Variants in TRANK1 observed in about 807,000 individuals in gnomAD.
TRANK1 encodes the protein TPR and ankyrin repeat-containing protein 1.
TRANK1 carries 198 observed loss-of-function variants against 266.0 expected under a neutral mutation model. The observed-to-expected ratio is 0.74, with a 90% CI of 0.66 to 0.84. The LOEUF is 0.84. TRANK1 is among the 40% of genes least tolerant of loss of function. The pLI, the probability that TRANK1 is intolerant of heterozygous loss-of-function variation, is 0.00. For synonymous variants in TRANK1, 1,396 were observed against 1,384.1 expected, an observed-to-expected ratio of 1.01 and a Z score of -0.19; for missense variants, 3,326 against 3,634.6, an observed-to-expected ratio of 0.92 and a Z score of 2.18.
At chr3:36,847,160 C>G in intron 16 of TRANK1, 40 bp downstream of exon 16, 1 of 1,579,244 alleles carries the variant, frequency 6.3e-7, no homozygotes, top group Non-Finnish European at 8.6e-7. Flanking sequence ...TTCACTACTT[C>G]CATGTCAAGT....
chr3:36,907,664 C>A (rs2079992286), intron 2 of TRANK1, among the ~76,000 whole-genome samples: 1 of 151,002 alleles, frequency 6.6e-6, no homozygotes, highest in African/African-American at 2.4e-5. Context: ...TGGGGTTTCA[C>A]CCTGTTAGCC....
At chr3:36,845,502 T>C (rs1021101682) in intron 17 of TRANK1, among the ~76,000 whole-genome samples, 1 of 152,214 alleles carries the variant, frequency 6.6e-6, no homozygotes, top group African/African-American at 2.4e-5. Flanking sequence ...GACACTTCAG[T>C]AGGTATTTGT....
intron 21 of TRANK1, 72 bp from the exon 22 acceptor site, chr3:36,833,991 T>C (rs950956000): frequency 2.8e-6 from 4 of 1,433,838 alleles, no homozygotes; most frequent in African/African-American, 1.4e-5. Context: ...CAAAATACAG[T>C]GCAGAGCAAC....
Position 36,833,629 on chromosome 3 carries a change from T to C in TRANK1, c.5954A>G (p.Lys1985Arg). 1 of 1,613,952 alleles carries C rather than the reference T, an allele frequency of 6.2e-7. No individual in the cohort carries two copies. The highest frequency in any genetic ancestry group is 8.5e-7 in the Non-Finnish European group (1 of 1,179,848). ...CAGCAGACATGAGGCCTGGAAGTCC[T>C]TGTCGGCAGTGAGCCTGGCAGCCTC... ...LLEAARLTAD[K>R]DFQASCLLGA... The change falls in exon 22 of 24, where the codon AAG becomes AGG. Residue 1985 changes from lysine (K) to arginine (R), a missense_variant. Physicochemically the swap from Lys to Arg is conservative, Grantham distance 26 (BLOSUM62 2). Transcript: ENST00000645898.
Position 36,879,183 on chromosome 3 carries a change from A to G in TRANK1, c.908-4887T>C, listed in dbSNP as rs1015245437. 3.9e-5 allele frequency among the ~76,000 whole-genome samples: 6 copies of G among 152,104 alleles called. No individual in the cohort carries two copies. In the East Asian group the frequency reaches 9.6e-4, roughly 24 times the overall value. Reference sequence around the variant, plus strand: ...AAAAAAAAGAAAGAAAACTATTTACATATGCATTTTATATATACATACACA... The same window carrying G: ...AAAAAAAAGAAAGAAAACTATTTACGTATGCATTTTATATATACATACACA... On this transcript the variant is annotated intron_variant, in intron 8 of 23. Coordinates refer to ENST00000645898, the MANE Select transcript of TRANK1 (RefSeq NM_001329998.2).
chr3:36,933,790 G>C (rs879747808), intron 1 of TRANK1, among the ~76,000 whole-genome samples: 2 of 152,216 alleles, frequency 1.3e-5, no homozygotes. Flanking sequence ...CCTAGTATTT[G>C]TCTGTTTTTC....
intron 8 of TRANK1, among the ~76,000 whole-genome samples, chr3:36,881,510 T>C (rs1353831169): frequency 6.6e-6 from 1 of 151,324 alleles, no homozygotes; most frequent in East Asian, 1.9e-4. Flanking sequence ...CTACTTGGGA[T>C]GCTGAGGCAG....
At position 36,944,880 on chromosome 3, in the gene TRANK1, G is replaced by A; in HGVS notation, c.-71C>T. The stretch of plus-strand genomic sequence containing the variant: ...AGCGCTTCCCTGTGGGCAGGGCGCG[G>A]CGGGCAGTGCGGAAGCCCGAAAGCT... On this transcript the variant is annotated 5_prime_UTR_variant, in exon 1 of 24. Transcript: ENST00000645898. The A allele has an allele frequency of 7.3e-7, 1 of 1,365,760 alleles. No homozygotes were observed. The highest frequency in any genetic ancestry group is 9.4e-7 in the Non-Finnish European group (1 of 1,059,298). 84.6% of individuals were successfully genotyped at this position (1,365,760 alleles called of 1,614,324 possible). A position where few individuals can be genotyped will look rare whatever the true frequency, so the allele number is the denominator to read the frequency against.
intron 8 of TRANK1, among the ~76,000 whole-genome samples, chr3:36,882,684 A>C (rs749790799): frequency 1.6e-4 from 24 of 152,224 alleles, no homozygotes; most frequent in Non-Finnish European, 2.9e-4. Flanking sequence ...ATGACAAAAA[A>C]CAACAAAGTC....
At chr3:36,905,315 G>A (rs2079949387) in intron 2 of TRANK1, among the ~76,000 whole-genome samples, 1 of 151,944 alleles carries the variant, frequency 6.6e-6, no homozygotes, top group South Asian at 2.1e-4. Flanking sequence ...AAATCCCTGG[G>A]TTGAAGCCCT....
chr3:36,840,330 G>T (rs2078826998), intron 18 of TRANK1, among the ~76,000 whole-genome samples: 1 of 152,094 alleles, frequency 6.6e-6, no homozygotes, highest in South Asian at 2.1e-4. Context: ...AAAATTGTGA[G>T]GCTTGGTCAA....
intron 1 of TRANK1, among the ~76,000 whole-genome samples, chr3:36,933,188 T>G (rs1313596920): frequency 6.6e-6 from 1 of 152,164 alleles, no homozygotes; most frequent in Non-Finnish European, 1.5e-5. Flanking sequence ...CACCTTATCT[T>G]TAAAAAGTTC....
intron 8 of TRANK1, among the ~76,000 whole-genome samples, chr3:36,875,593 TTG>T (rs1441049123): frequency 2.0e-5 from 3 of 152,212 alleles, no homozygotes; most frequent in African/African-American, 7.2e-5. Context: ...TAAATGGGTG[TTG>T]TTTCAAGCCA....
In TRANK1 at chr3:36,838,386, C is replaced by G. The variant is rs528911805; in HGVS notation, c.5503G>C (p.Glu1835Gln). ...AGGAGCCATACCTTTCCCAGCCTCT[C>G]GCACAGCTGGGCAGAGAGCTGGAAC... is the stretch of plus-strand genomic sequence containing the variant. ...KEFQLSAQLC[E>Q]RLGKIRDAAY... Residue 1835 changes from glutamate (E) to glutamine (Q), a missense_variant, in exon 20 of 24, where the codon GAG (glutamate) becomes CAG (glutamine). Transcript: ENST00000645898. 1.2e-6 allele frequency: 2 copies of G among 1,614,022 alleles called. No individual in the cohort carries two copies. The highest frequency in any genetic ancestry group is 3.3e-5 in the Admixed American group (2 of 60,030).
chr3:36,918,689 C>T (rs527686041), intron 1 of TRANK1, among the ~76,000 whole-genome samples: 6 of 145,396 alleles, frequency 4.1e-5, no homozygotes, highest in Non-Finnish European at 9.0e-5. Context: ...AAGAAAGAAA[C>T]GCCAATGTAA....
chr3:36,830,271 C>T (rs764231001), intron 22 of TRANK1, among the ~76,000 whole-genome samples: 9 of 151,422 alleles, frequency 5.9e-5, no homozygotes, highest in Non-Finnish European at 8.8e-5. Context: ...GCCAAGATCA[C>T]GCCACTGCAC....
intron 1 of TRANK1, among the ~76,000 whole-genome samples, chr3:36,922,331 C>T (rs746533123): frequency 3.3e-5 from 5 of 152,084 alleles, no homozygotes; most frequent in African/African-American, 4.8e-5. Flanking sequence ...CAGGGCCGGG[C>T]GCAGTGGCTC....
chr3:36,859,864 T>C (rs555486223), intron 11 of TRANK1, among the ~76,000 whole-genome samples: 3 of 152,260 alleles, frequency 2.0e-5, no homozygotes, highest in East Asian at 3.9e-4. Flanking sequence ...AAATAAATTA[T>C]AGAAGCCACC....
intron 4 of TRANK1, among the ~76,000 whole-genome samples, chr3:36,896,963 C>T (rs555136181): frequency 1.3e-5 from 2 of 151,340 alleles, no homozygotes; most frequent in African/African-American, 4.9e-5. Flanking sequence ...CATTGCACTT[C>T]AGCCTGGGCG....
Sources: allele counts gnomAD v4.1 joint callset (sites outside exome capture counted in the v4.1 genomes callset), GRCh38; gene constraint gnomAD v4.1.1; transcripts MANE v1.5; gene names NCBI Gene and HGNC (gene_info 2026-07-23, HGNC 2026-07-21).